GSE1: variants seen among roughly 807,000 people sequenced by gnomAD.
GSE1 encodes genetic suppressor element 1.
GSE1 carries 32 observed loss-of-function variants against 112.6 expected under a neutral mutation model. That is an observed-to-expected ratio of 0.28 (90% CI 0.21 to 0.38). The LOEUF is 0.38. Among genes scored for constraint, GSE1 ranks in the 10% least tolerant of loss-of-function variants. The probability of loss-of-function intolerance (pLI) is 1.00; values close to 1 mark genes in which losing one functional copy is unlikely to be tolerated. For missense variants in GSE1, 2,348 were observed against 1,699.2 expected, an observed-to-expected ratio of 1.38 and a Z score of -6.71; for synonymous variants, 1,115 against 735.6, an observed-to-expected ratio of 1.52 and a Z score of -8.35.
chr16:85,391,459 C>A (rs976193844), intron 2 of GSE1, among the ~76,000 whole-genome samples: 6 of 152,160 alleles, frequency 3.9e-5, no homozygotes, highest in African/African-American at 1.4e-4. Flanking sequence ...TTGGCAGGGC[C>A]ACACTCTGCC....
chr16:85,222,029 G>A (rs1010883252), intron 1 of GSE1, among the ~76,000 whole-genome samples: 5 of 152,174 alleles, frequency 3.3e-5, no homozygotes, highest in African/African-American at 7.2e-5. Flanking sequence ...TGTCAGCCTC[G>A]GGTCTGCTGG....
At position 85,187,615 on chromosome 16, in the gene GSE1, C is replaced by T. The variant is rs192033727; in HGVS notation, c.2283+15808C>T. Reference sequence around the variant, plus strand: ...AACAGTCGTGCTGGTCTGCTCTTGACCGGGAGATGGCGTGGTTTGGCTAAG... The same window carrying T: ...AACAGTCGTGCTGGTCTGCTCTTGATCGGGAGATGGCGTGGTTTGGCTAAG... On this transcript the variant is annotated intron_variant, in intron 1 of 2. Coordinates refer to the GSE1 transcript ENST00000637419. Among the ~76,000 whole-genome samples, 17 of 152,082 alleles carry T rather than the reference C, an allele frequency of 1.1e-4. No individual in the cohort carries two copies. The East Asian group carries it at 3.3e-3, about 29-fold the overall frequency.
Position 85,672,742 on chromosome 16 carries a change from C to T in GSE1, c.*203C>T, listed in dbSNP as rs776130183. On this transcript the variant is annotated 3_prime_UTR_variant, in exon 16 of 16. Transcript: ENST00000253458. ...CAATTGAATCACCGTTGTCATTCAG[C>T]GAGCAACCAATGTAGGATTGCCCAC... The T allele has an allele frequency of 1.6e-4, 64 of 408,706 alleles. No individual in the cohort carries two copies. Among genetic ancestry groups the T allele is most frequent in the Non-Finnish European group, 2.3e-4 (54 of 229,964 alleles). 25.3% of individuals were successfully genotyped at this position (408,706 alleles called of 1,614,324 possible).
chr16:85,246,826 AG>A (rs1905902152), intron 1 of GSE1, among the ~76,000 whole-genome samples: 1 of 152,050 alleles, frequency 6.6e-6, no homozygotes, highest in African/African-American at 2.4e-5. Flanking sequence ...CACCAGAGGA[AG>A]GGGGTGCTCA....
At chr16:85,558,123 A>T (rs1277022385) in intron 1 of GSE1, among the ~76,000 whole-genome samples, 1 of 152,196 alleles carries the variant, frequency 6.6e-6, no homozygotes. Flanking sequence ...AGCCCTTGGG[A>T]ACTCAGAGCT....
intron 1 of GSE1, among the ~76,000 whole-genome samples, chr16:85,568,238 C>T (rs2045841265): frequency 6.6e-6 from 1 of 152,206 alleles, no homozygotes; most frequent in Non-Finnish European, 1.5e-5. Flanking sequence ...TCTGGAGTTT[C>T]CTGAAGACCT....
intron 13 of GSE1, among the ~76,000 whole-genome samples, chr16:85,667,022 G>A (rs532522988): frequency 1.1e-3 from 166 of 152,236 alleles, no homozygotes; most frequent in Non-Finnish European, 2.0e-3. Context: ...TAGGTGATAC[G>A]CAGATACTAT....
In GSE1 at chr16:85,331,351, G is replaced by GTATATATATA. The variant is rs1567692439; in HGVS notation, c.2284-26111_2284-26110insATATATATAT. ...TGTGTGTGTGTGTGTGTGTGTGTGTGTGTGTGTGTGTGTGTATATATGTAT... is the reference window on the plus strand; with the variant it reads ...TGTGTGTGTGTGTGTGTGTGTGTGTGTATATATATATGTGTGTGTGTGTGTATATATGTAT... On this transcript the variant is annotated intron_variant, in intron 1 of 2. Coordinates refer to the GSE1 transcript ENST00000637419. 3.9e-3 allele frequency among the ~76,000 whole-genome samples: 468 copies of GTATATATATA among 118,564 alleles called. 13 individuals are homozygous for GTATATATATA. Among genetic ancestry groups the GTATATATATA allele is most frequent in the African/African-American group, 0.017 (449 of 26,330 alleles). 77.8% of individuals were successfully genotyped at this position (118,564 alleles called of 152,430 possible). A position where few individuals can be genotyped will look rare whatever the true frequency, so the allele number is the denominator to read the frequency against.
chr16:85,434,345 A>AATAATAATAATC (rs60129328), intron 2 of GSE1, among the ~76,000 whole-genome samples: 1 of 143,460 alleles, frequency 7.0e-6, no homozygotes, highest in African/African-American at 2.5e-5. Flanking sequence ...TAATAATAAT[A>AATAATAATAATC]ATCAGTGCCG....
chr16:85,470,924 T>C (rs1031998958), intron 2 of GSE1, among the ~76,000 whole-genome samples: 14 of 152,228 alleles, frequency 9.2e-5, no homozygotes, highest in Non-Finnish European at 2.1e-4. Flanking sequence ...CCAGTGAATT[T>C]TTAATAGTGA....
chr16:85,315,462 C>T (rs1349869379), intron 1 of GSE1, among the ~76,000 whole-genome samples: 1 of 152,164 alleles, frequency 6.6e-6, no homozygotes, highest in Non-Finnish European at 1.5e-5. Flanking sequence ...AGAGGGAGCC[C>T]GTGCTGAGTG....
chr16:85,455,701 C>A (rs2049808023), intron 2 of GSE1, among the ~76,000 whole-genome samples: 1 of 152,252 alleles, frequency 6.6e-6, no homozygotes, highest in African/African-American at 2.4e-5. Context: ...CCGCACGAGA[C>A]TTCAGGTGGC....
intron 2 of GSE1, among the ~76,000 whole-genome samples, chr16:85,484,757 C>T (rs893848946): frequency 4.7e-4 from 71 of 152,260 alleles, no homozygotes; most frequent in Non-Finnish European, 1.5e-5. Flanking sequence ...CCCTCTCAGC[C>T]ACTCCACCTC....
chr16:85,416,517 G>C (rs1168295138), intron 2 of GSE1, among the ~76,000 whole-genome samples: 1 of 152,206 alleles, frequency 6.6e-6, no homozygotes, highest in South Asian at 2.1e-4. Context: ...CCCCTGCCAC[G>C]TGGGATGCGG....
chr16:85,560,223 C>T (rs2045453829), intron 1 of GSE1, among the ~76,000 whole-genome samples: 1 of 151,094 alleles, frequency 6.6e-6, no homozygotes, highest in Non-Finnish European at 1.5e-5. Flanking sequence ...GCAACCTCCG[C>T]CTCCCGGGTT....
At chr16:85,306,134 G>T (rs894194644) in intron 1 of GSE1, 1 of 154,192 alleles carries the variant, frequency 6.5e-6, no homozygotes, top group Non-Finnish European at 1.5e-5. Flanking sequence ...TGGTGATTTG[G>T]TTGCAGCCAG....
rs559125069 is a variant in GSE1 at position 85,214,511 on chromosome 16, C to T, written c.2283+42704C>T. ...GGAAAAGGCAGGGAGGAGTCGGCCC[C>T]GGAGCCTTCAGAGGCAGCGCGGCCC... On this transcript the variant is annotated intron_variant, in intron 1 of 2. Transcript: ENST00000637419. 8.5e-5 allele frequency among the ~76,000 whole-genome samples: 13 copies of T among 152,256 alleles called. No individual in the cohort carries two copies. The East Asian group carries it at 2.1e-3, about 25-fold the overall frequency.
intron 2 of GSE1, among the ~76,000 whole-genome samples, chr16:85,445,258 T>C (rs1158913751): frequency 6.6e-6 from 1 of 152,206 alleles, no homozygotes; most frequent in African/African-American, 2.4e-5. Flanking sequence ...AATTAGAGGC[T>C]GACACCAGGT....
At chr16:85,202,601 T>C (rs2143569474) in intron 1 of GSE1, among the ~76,000 whole-genome samples, 1 of 152,274 alleles carries the variant, frequency 6.6e-6, no homozygotes, top group East Asian at 1.9e-4. Flanking sequence ...AGGGATGTTT[T>C]CAGTTGCCAC....
Sources: gnomAD v4.1 joint callset for allele counts (sites outside exome capture counted in the v4.1 genomes callset) on GRCh38, gnomAD v4.1.1 for gene constraint, MANE v1.5 for transcripts, NCBI Gene and HGNC (gene_info 2026-07-23, HGNC 2026-07-21) for gene names.